The following SULF1 variants were observed in gnomAD, a reference collection of about 807,000 sequenced individuals.
The protein encoded by SULF1 is extracellular sulfatase Sulf-1.
SULF1 carries 46 observed loss-of-function variants against 110.5 expected under a neutral mutation model. The ratio of observed to expected loss-of-function variants is 0.42; its 90% CI spans 0.33 to 0.53. The LOEUF (loss-of-function observed/expected upper bound fraction) is 0.53. Ranked by LOEUF, SULF1 falls within the 20% of genes least tolerant of loss-of-function variation. SULF1 has a pLI of 0.12. For synonymous variants in SULF1, 371 were observed against 387.1 expected (o/e 0.96, Z 0.49); for missense variants, 941 against 1,094.2 (o/e 0.86, Z 1.98).
chr8:69,575,268 T>C (rs1803361642), intron 5 of SULF1, among the ~76,000 whole-genome samples: 1 of 152,124 alleles, frequency 6.6e-6, no homozygotes, highest in African/African-American at 2.4e-5. Context: ...AAATGGAATA[T>C]TTTACAACCC....
chr8:69,542,560 C>G (rs1227953470), intron 3 of SULF1, among the ~76,000 whole-genome samples: 1 of 151,976 alleles, frequency 6.6e-6, no homozygotes, highest in East Asian at 1.9e-4. Context: ...ACCAACAGTG[C>G]TGCCGAGAGT....
chr8:69,558,928 TA>T (rs911765558), intron 3 of SULF1, among the ~76,000 whole-genome samples: 11 of 151,994 alleles, frequency 7.2e-5, no homozygotes, highest in Admixed American at 3.3e-4. Flanking sequence ...TATATTTTAT[TA>T]AAAAAAACTA....
At chr8:69,586,748 CA>C (rs1806493734) in intron 7 of SULF1, among the ~76,000 whole-genome samples, 1 of 152,052 alleles carries the variant, frequency 6.6e-6, no homozygotes, top group East Asian at 1.9e-4. Context: ...AAAGTATCAT[CA>C]AGAAAATCAG....
chr8:69,494,750 C>A (rs959430743), intron 1 of SULF1, among the ~76,000 whole-genome samples: 2 of 152,096 alleles, frequency 1.3e-5, no homozygotes, highest in Non-Finnish European at 2.9e-5. Flanking sequence ...CCTTGTGACA[C>A]ACACCTGTAG....
At chr8:69,650,674 A>C (rs1306611244) in intron 22 of SULF1, among the ~76,000 whole-genome samples, 3 of 152,118 alleles carry the variant, frequency 2.0e-5, no homozygotes, top group African/African-American at 4.8e-5. Flanking sequence ...ATGGACTTAG[A>C]TTCTCAGTTT....
At chr8:69,536,449 A>C (rs1309582070) in intron 3 of SULF1, among the ~76,000 whole-genome samples, 1 of 152,156 alleles carries the variant, frequency 6.6e-6, no homozygotes, top group East Asian at 1.9e-4. Context: ...ATATCTTACC[A>C]CTACTACTAT....
intron 3 of SULF1, among the ~76,000 whole-genome samples, chr8:69,535,845 C>G (rs1813396171): frequency 2.6e-5 from 4 of 152,086 alleles, no homozygotes; most frequent in Non-Finnish European, 5.9e-5. Flanking sequence ...GCCTGTCCAA[C>G]ATAGTGAAAT....
chr8:69,513,477 G>C (rs1309794570), intron 3 of SULF1, among the ~76,000 whole-genome samples: 1 of 152,202 alleles, frequency 6.6e-6, no homozygotes, highest in Non-Finnish European at 1.5e-5. Context: ...ATACACCAAT[G>C]TCTCTTAAAA....
At chr8:69,538,349 G>A (rs538986730) in intron 3 of SULF1, among the ~76,000 whole-genome samples, 2 of 143,274 alleles carry the variant, frequency 1.4e-5, no homozygotes, top group East Asian at 4.5e-4. Context: ...GCAATGCCAT[G>A]AACATTAAAC....
intron 8 of SULF1, among the ~76,000 whole-genome samples, chr8:69,595,010 T>G (rs547987307): frequency 6.6e-6 from 1 of 152,348 alleles, no homozygotes; most frequent in South Asian, 2.1e-4. Flanking sequence ...CACAATTCAT[T>G]GTTGCTTAGC....
chr8:69,655,044 AG>A (rs1260488201), intron 22 of SULF1, among the ~76,000 whole-genome samples: 1 of 152,210 alleles, frequency 6.6e-6, no homozygotes, highest in East Asian at 1.9e-4. Flanking sequence ...ATTGCATTTA[AG>A]TAGATGCAAT....
intron 8 of SULF1, among the ~76,000 whole-genome samples, chr8:69,590,841 A>G (rs1806843305): frequency 6.6e-6 from 1 of 152,208 alleles, no homozygotes; most frequent in African/African-American, 2.4e-5. Flanking sequence ...CCCATGTGTG[A>G]CAAGTGGCTC....
chr8:69,551,105 C>T (rs1365246290), intron 3 of SULF1, among the ~76,000 whole-genome samples: 2 of 152,302 alleles, frequency 1.3e-5, no homozygotes, highest in South Asian at 4.2e-4. Flanking sequence ...GAAAGGCCCA[C>T]AGGGGGCGAT....
At chr8:69,470,183 T>C (rs1168476713) in intron 1 of SULF1, among the ~76,000 whole-genome samples, 1 of 152,140 alleles carries the variant, frequency 6.6e-6, no homozygotes, top group Non-Finnish European at 1.5e-5. Context: ...TGTGCAATAT[T>C]TTTGTGTGGA....
chr8:69,634,273 A>C (rs941643157), intron 19 of SULF1, among the ~76,000 whole-genome samples: 21 of 152,252 alleles, frequency 1.4e-4, no homozygotes, highest in Non-Finnish European at 1.5e-5. Context: ...GTTAATATCA[A>C]ATCTCAAGTA....
At chr8:69,492,312 G>T (rs879568536), upstream of SULF1, among the ~76,000 whole-genome samples, 1 of 151,954 alleles carries the variant, frequency 6.6e-6, no homozygotes, top group Non-Finnish European at 1.5e-5. Context: ...CCACAGAGAA[G>T]AGAGGAGAGA....
chr8:69,618,527 G>C (rs557772655), intron 13 of SULF1, among the ~76,000 whole-genome samples: 6 of 152,102 alleles, frequency 3.9e-5, no homozygotes, highest in Non-Finnish European at 8.8e-5. Flanking sequence ...TTGTGGATTC[G>C]GGTATCTGCA....
intron 3 of SULF1, among the ~76,000 whole-genome samples, chr8:69,515,913 A>G (rs1811891192): frequency 6.6e-6 from 1 of 152,196 alleles, no homozygotes; most frequent in South Asian, 2.1e-4. Context: ...GTTCTGAATG[A>G]GTTCCTCATC....
At chr8:69,574,920 A>G (rs896277345) in intron 5 of SULF1, among the ~76,000 whole-genome samples, 3 of 152,028 alleles carry the variant, frequency 2.0e-5, no homozygotes, top group African/African-American at 7.2e-5. Context: ...GGCTTTTTGG[A>G]CTGTTGCATG....
Sources: allele counts gnomAD v4.1 joint callset (sites outside exome capture counted in the v4.1 genomes callset), GRCh38; gene constraint gnomAD v4.1.1; transcripts MANE v1.5; gene names NCBI Gene and HGNC (gene_info 2026-07-23, HGNC 2026-07-21).